The following SLC41A3 variants were observed in gnomAD, a reference collection of about 807,000 sequenced individuals.
The protein encoded by SLC41A3 is solute carrier family 41 member 3, also known as SLC41A1-like 2.
Under a neutral mutation model 45.4 loss-of-function variants are expected in SLC41A3, and 44 were observed. The observed-to-expected ratio is 0.97, with a 90% CI of 0.76 to 1.25. The LOEUF is 1.25. SLC41A3 is among the 50% of genes most tolerant of loss of function. The pLI is 0.00. For synonymous variants in SLC41A3, 256 were observed against 252.4 expected, an observed-to-expected ratio of 1.01 and a Z score of -0.13; for missense variants, 550 against 600.6, an observed-to-expected ratio of 0.92 and a Z score of 0.88.
upstream of SLC41A3, among the ~76,000 whole-genome samples, chr3:126,088,482 A>G (rs1327516444): frequency 6.6e-6 from 1 of 152,204 alleles, no homozygotes; most frequent in Admixed American, 6.5e-5. Context: ...AGGAGCATAA[A>G]ATATGTTTTT....
intron 2 of SLC41A3, among the ~76,000 whole-genome samples, chr3:126,058,503 C>T (rs1056838527): frequency 2.6e-5 from 4 of 152,158 alleles, no homozygotes; most frequent in South Asian, 4.1e-4. Flanking sequence ...AAGCCTCACT[C>T]GGAGCCCCTA....
At chr3:126,067,266 A>G (rs1944399491) in intron 2 of SLC41A3, among the ~76,000 whole-genome samples, 1 of 152,162 alleles carries the variant, frequency 6.6e-6, no homozygotes, top group Non-Finnish European at 1.5e-5. Context: ...TCACTGCAAC[A>G]TTTGTTTTTT....
At chr3:126,043,738 A>T (rs560188902) in intron 3 of SLC41A3, among the ~76,000 whole-genome samples, 22 of 151,884 alleles carry the variant, frequency 1.4e-4, no homozygotes, top group African/African-American at 5.3e-4. Context: ...CATGGTAACT[A>T]CAAAGAAAAC....
chr3:126,066,026 T>C (rs935767219), intron 2 of SLC41A3, among the ~76,000 whole-genome samples: 3 of 152,112 alleles, frequency 2.0e-5, no homozygotes, highest in South Asian at 4.1e-4. Context: ...TTTTAGCCAA[T>C]TGCTTCCCCT....
At chr3:126,043,704 C>T (rs1942744466) in intron 3 of SLC41A3, among the ~76,000 whole-genome samples, 1 of 151,316 alleles carries the variant, frequency 6.6e-6, no homozygotes, top group Admixed American at 6.6e-5. Context: ...ATTGTAATAA[C>T]TTTAGGATGT....
chr3:126,054,762 G>A (rs1943553973), intron 2 of SLC41A3, among the ~76,000 whole-genome samples: 1 of 151,898 alleles, frequency 6.6e-6, no homozygotes, highest in Admixed American at 6.6e-5. Flanking sequence ...ACCTCCTTGT[G>A]GCCTCCACTC....
At chr3:126,060,248 G>A (rs919333382) in intron 2 of SLC41A3, among the ~76,000 whole-genome samples, 12 of 151,834 alleles carry the variant, frequency 7.9e-5, no homozygotes, top group African/African-American at 2.4e-4. Context: ...GAGAAACCCC[G>A]TCTCTACTAA....
At chr3:126,022,958 C>G (rs765121473) in intron 5 of SLC41A3, 26 bp from the exon 6 acceptor site, 1 of 1,612,870 alleles carries the variant, frequency 6.2e-7, no homozygotes, top group South Asian at 1.1e-5. Flanking sequence ...GGAGAAACAG[C>G]AGACTCAAAT....
chr3:126,061,438 C>T (rs1024335968), intron 2 of SLC41A3, among the ~76,000 whole-genome samples: 10 of 152,138 alleles, frequency 6.6e-5, no homozygotes, highest in African/African-American at 1.4e-4. Flanking sequence ...GGCCTCCCTC[C>T]GCAGGGCCGC....
intron 1 of SLC41A3, among the ~76,000 whole-genome samples, chr3:126,081,779 C>T (rs1945164855): frequency 6.6e-6 from 1 of 152,230 alleles, no homozygotes; most frequent in Non-Finnish European, 1.5e-5. Flanking sequence ...GTGACCACTC[C>T]AGGCCACACA....
intron 6 of SLC41A3, among the ~76,000 whole-genome samples, chr3:126,018,391 T>C (rs1417069292): frequency 6.6e-6 from 1 of 152,216 alleles, no homozygotes; most frequent in African/African-American, 2.4e-5. Context: ...AGTTAGGTCA[T>C]CTTATTCTTT....
upstream of SLC41A3, among the ~76,000 whole-genome samples, chr3:126,085,930 C>T (rs1252582010): frequency 6.6e-6 from 1 of 151,990 alleles, no homozygotes; most frequent in African/African-American, 2.4e-5. Flanking sequence ...GACTGATCAC[C>T]CATCATTTTG....
intron 3 of SLC41A3, among the ~76,000 whole-genome samples, chr3:126,036,792 T>C (rs1942227032): frequency 1.3e-5 from 2 of 152,234 alleles, no homozygotes; most frequent in Admixed American, 1.3e-4. Flanking sequence ...AAAATACACT[T>C]ACTGGATTAA....
In SLC41A3 at chr3:126,068,245, C is replaced by T; in HGVS notation, c.-26G>A. 1.3e-6 allele frequency: 2 copies of T among 1,494,526 alleles called. No homozygotes were observed. The highest frequency in any genetic ancestry group is 1.8e-6 in the Non-Finnish European group (2 of 1,123,520). 92.6% of individuals were successfully genotyped at this position (1,494,526 alleles called of 1,614,324 possible). ...CTGGGCACAGCTGGGCGCCTGGCAGCCCTACAGTGGGAGACACAAAGTTGT... is the reference window on the plus strand; with the variant it reads ...CTGGGCACAGCTGGGCGCCTGGCAGTCCTACAGTGGGAGACACAAAGTTGT... On this transcript the variant is annotated splice_region_variant and 5_prime_UTR_variant, in exon 2 of 11. Coordinates refer to ENST00000360370, the MANE Select transcript of SLC41A3 (RefSeq NM_017836.4).
chr3:126,059,450 G>A (rs951993598), intron 2 of SLC41A3, among the ~76,000 whole-genome samples: 5 of 152,040 alleles, frequency 3.3e-5, no homozygotes, highest in African/African-American at 9.7e-5. Context: ...TTGGATGAAG[G>A]AGTGCCCATT....
chr3:126,056,259 G>A lies in SLC41A3; in HGVS notation c.274-5209C>T. On this transcript the variant is annotated intron_variant, in intron 2 of 10. Transcript: ENST00000360370. Reference sequence around the variant, plus strand: ...GCAGGTTGAGGGCTGCCCTCCCACTGTAGAGGCCCCTCATGTCTCCAGCCT... The same window carrying A: ...GCAGGTTGAGGGCTGCCCTCCCACTATAGAGGCCCCTCATGTCTCCAGCCT... 2.0e-6 allele frequency: 3 copies of A among 1,469,606 alleles called. No individual in the cohort carries two copies. The South Asian group carries it at 3.9e-5, about 19-fold the overall frequency. The allele number at this position is 1,469,606 out of a possible 1,614,324, so 91.0% of individuals were successfully genotyped here. A position where few individuals can be genotyped will look rare whatever the true frequency, so the allele number is the denominator to read the frequency against.
At chr3:126,007,258 C>T (rs1279849388) in intron 10 of SLC41A3, 33 bp from the exon 11 acceptor site, 3 of 1,606,378 alleles carry the variant, frequency 1.9e-6, no homozygotes, top group Non-Finnish European at 2.6e-6. Flanking sequence ...CAAAAGAAGA[C>T]CAAGTCAGAA....
chr3:126,050,436 G>A (rs559266893), intron 3 of SLC41A3, among the ~76,000 whole-genome samples: 1 of 152,294 alleles, frequency 6.6e-6, no homozygotes, highest in African/African-American at 2.4e-5. Context: ...GGTAAAGCTA[G>A]GAACTGTGTT....
chr3:126,088,021 A>G (rs1945426995), upstream of SLC41A3, among the ~76,000 whole-genome samples: 1 of 152,086 alleles, frequency 6.6e-6, no homozygotes, highest in East Asian at 1.9e-4. Context: ...ATATCTCACA[A>G]GCTCAGCTCT....
Sources: allele counts gnomAD v4.1 joint callset (sites outside exome capture counted in the v4.1 genomes callset), GRCh38; gene constraint gnomAD v4.1.1; transcripts MANE v1.5; gene names NCBI Gene and HGNC (gene_info 2026-07-23, HGNC 2026-07-21).